NLK: variants seen among roughly 807,000 people sequenced by gnomAD.
The protein encoded by NLK is serine/threonine-protein kinase NLK.
A neutral mutation model predicts 59.0 loss-of-function variants in NLK; 11 were observed. The ratio of observed to expected loss-of-function variants is 0.19; its 90% CI spans 0.12 to 0.31. The LOEUF is 0.31. NLK is among the 10% of genes least tolerant of loss of function. NLK has a pLI of 1.00. For missense variants in NLK, 410 were observed against 661.1 expected (o/e 0.62, Z 4.16); for synonymous variants, 235 against 235.9 (o/e 1.00, Z 0.03).
chr17:28,047,446 T>TA (rs1265653319), intron 1 of NLK, among the ~76,000 whole-genome samples: 1 of 152,186 alleles, frequency 6.6e-6, no homozygotes, highest in Non-Finnish European at 1.5e-5. Flanking sequence ...TAAAAACAAA[T>TA]AAAAATAATA....
At chr17:28,066,845 A>T (rs1037836266) in intron 1 of NLK, among the ~76,000 whole-genome samples, 10 of 152,218 alleles carry the variant, frequency 6.6e-5, no homozygotes, top group African/African-American at 2.4e-4. Flanking sequence ...TTTCCCTAAT[A>T]ACTCAAGATG....
At chr17:28,104,341 G>A (rs951416806) in intron 1 of NLK, among the ~76,000 whole-genome samples, 34 of 152,070 alleles carry the variant, frequency 2.2e-4, no homozygotes, top group African/African-American at 4.6e-4. Context: ...TGCAACATCC[G>A]CCTCCCGGGT....
At chr17:28,106,497 A>G (rs906697079) in intron 1 of NLK, among the ~76,000 whole-genome samples, 1 of 152,180 alleles carries the variant, frequency 6.6e-6, no homozygotes, top group African/African-American at 2.4e-5. Context: ...TGAATAAGAG[A>G]TAATATCTCA....
intron 1 of NLK, among the ~76,000 whole-genome samples, chr17:28,065,255 GT>G (rs1323060229): frequency 6.6e-6 from 1 of 152,074 alleles, no homozygotes; most frequent in Admixed American, 6.6e-5. Flanking sequence ...TGGCAGTGTA[GT>G]TTTTTTCTAG....
chr17:28,141,460 C>T (rs535596773), intron 3 of NLK, among the ~76,000 whole-genome samples: 15 of 152,228 alleles, frequency 9.9e-5, no homozygotes, highest in Non-Finnish European at 1.9e-4. Context: ...AATGCTGTTG[C>T]GGTTGCTTGT....
rs1261877728 is a variant in NLK at position 28,195,777 on chromosome 17, G to C, written c.*1141G>C. On this transcript the variant is annotated 3_prime_UTR_variant, in exon 11 of 11. Transcript: ENST00000407008. ...CTACCTCCTGGAGTTATACAACTTG[G>C]CTTGTTTACCTCCACATGCTGATGA... The C allele has an allele frequency of 6.6e-6, 1 of 152,040 alleles. No individual in the cohort carries two copies. The highest frequency in any genetic ancestry group is 2.4e-5 in the African/African-American group (1 of 41,282). The allele number at this position is 152,040 out of a possible 1,614,324, so 9.4% of individuals were successfully genotyped here.
In NLK at chr17:28,110,876, G is replaced by T. The variant is rs149442088; in HGVS notation, c.459-11727G>T. ...TTGTTTTTTTTTGAGACGGAGTCTC[G>T]CTCTGTCGCCCAGGCTGGAGTGCAG... On this transcript the variant is annotated intron_variant, in intron 1 of 10. Coordinates refer to ENST00000407008, the MANE Select transcript of NLK (RefSeq NM_016231.5). 4.0e-3 allele frequency among the ~76,000 whole-genome samples: 597 copies of T among 151,032 alleles called. 4 individuals are homozygous for T. Among genetic ancestry groups the T allele is most frequent in the Middle Eastern group, 0.021 (6 of 292 alleles).
intron 1 of NLK, among the ~76,000 whole-genome samples, chr17:28,056,571 T>C (rs1418568094): frequency 6.6e-6 from 1 of 152,218 alleles, no homozygotes; most frequent in Non-Finnish European, 1.5e-5. Flanking sequence ...AATATTTAGA[T>C]TAATCTGTTG....
At chr17:28,089,360 G>T (rs1904399197) in intron 1 of NLK, among the ~76,000 whole-genome samples, 1 of 151,894 alleles carries the variant, frequency 6.6e-6, no homozygotes, top group African/African-American at 2.4e-5. Context: ...CTTTCACGCA[G>T]CTTATTTATT....
chr17:28,042,914 C>T lies in NLK; in HGVS notation c.41C>T (p.Ala14Val). The T allele has an allele frequency of 6.5e-7, 1 of 1,534,748 alleles. No individual in the cohort carries two copies. Among genetic ancestry groups the T allele is most frequent in the Non-Finnish European group, 8.8e-7 (1 of 1,138,104 alleles). Residue 14 changes from alanine (A) to valine (V), a missense_variant, in exon 1 of 11, where the codon GCG becomes GTG. Around this residue, in one of 5 missense-constraint regions of NLK, gnomAD observed 160 missense variants for 171.0 expected, o/e 0.94. Coordinates refer to ENST00000407008, the MANE Select transcript of NLK (RefSeq NM_016231.5). ...CGARANAKMM[A>V]AYNGGTSAAA... is the part of the protein sequence containing the mutation. ...GCAAGAGCCAACGCAAAAATGATGG[C>T]GGCTTACAATGGCGGTACATCTGCA...
chr17:28,049,021 A>G (rs1909157963), intron 1 of NLK: 1 of 152,188 alleles, frequency 6.6e-6, no homozygotes, highest in African/African-American at 2.4e-5. Flanking sequence ...ACAGGTCAAC[A>G]ATAACTAAAA....
intron 1 of NLK, among the ~76,000 whole-genome samples, chr17:28,075,841 C>T (rs1026825251): frequency 6.6e-6 from 1 of 152,136 alleles, no homozygotes; most frequent in African/African-American, 2.4e-5. Flanking sequence ...ACCCTTTAAT[C>T]TTACACTGTA....
At chr17:28,185,718 T>C (rs549346667) in intron 8 of NLK, among the ~76,000 whole-genome samples, 53 of 152,230 alleles carry the variant, frequency 3.5e-4, no homozygotes, top group South Asian at 8.3e-4. Flanking sequence ...TCTAAATATT[T>C]TGTAGAGAAG....
At chr17:28,115,668 T>TC (rs952630387) in intron 1 of NLK, among the ~76,000 whole-genome samples, 65 of 152,010 alleles carry the variant, frequency 4.3e-4, no homozygotes, top group African/African-American at 1.1e-3. Flanking sequence ...ACTTCATCTA[T>TC]CCCCCCCATC....
the NLK span, among the ~76,000 whole-genome samples, chr17:28,204,866 T>G: frequency 4.6e-4 from 70 of 152,340 alleles, no homozygotes; most frequent in Middle Eastern, 3.4e-3. Flanking sequence ...TCATATGACT[T>G]CCTGGTATTC....
intron 3 of NLK, among the ~76,000 whole-genome samples, chr17:28,152,475 C>G (rs895303291): frequency 1.3e-5 from 2 of 152,188 alleles, no homozygotes; most frequent in Non-Finnish European, 2.9e-5. Context: ...GGCATCACAA[C>G]TTGGCTGCCA....
At chr17:28,127,848 A>G (rs1310198509) in intron 2 of NLK, among the ~76,000 whole-genome samples, 1 of 152,230 alleles carries the variant, frequency 6.6e-6, no homozygotes, top group Admixed American at 6.5e-5. Flanking sequence ...CTGTTGTCCA[A>G]TATTGAGACT....
intron 1 of NLK, among the ~76,000 whole-genome samples, chr17:28,090,364 CTT>C (rs1904442631): frequency 1.3e-5 from 2 of 152,102 alleles, no homozygotes; most frequent in Admixed American, 1.3e-4. Flanking sequence ...TACCAAAAGT[CTT>C]TATATTTACC....
At chr17:28,176,165 T>G (rs1908670018) in intron 7 of NLK, among the ~76,000 whole-genome samples, 1 of 152,208 alleles carries the variant, frequency 6.6e-6, no homozygotes, top group East Asian at 1.9e-4. Context: ...GTGATGCTGC[T>G]TAGGCCAATT....
Sources: allele counts gnomAD v4.1 joint callset (sites outside exome capture counted in the v4.1 genomes callset), GRCh38; gene constraint gnomAD v4.1.1; regional missense constraint gnomAD v4.1.1; transcripts MANE v1.5; gene names NCBI Gene and HGNC (gene_info 2026-07-23, HGNC 2026-07-21).